The following SLC35F4 variants were observed in gnomAD, a reference collection of about 807,000 sequenced individuals.
SLC35F4 encodes chromosome 14 open reading frame 36.
SLC35F4 carries 24 observed loss-of-function variants against 44.2 expected under a neutral mutation model. The ratio of observed to expected loss-of-function variants is 0.54; its 90% CI spans 0.39 to 0.76. The LOEUF (loss-of-function observed/expected upper bound fraction) is 0.76, where lower values mean the gene tolerates loss of function less well. Among genes scored for constraint, SLC35F4 ranks in the 30% least tolerant of loss-of-function variants. The pLI is 0.00. For synonymous variants in SLC35F4, 238 were observed against 223.6 expected (o/e 1.06, Z -0.57); for missense variants, 562 against 586.1 (o/e 0.96, Z 0.42).
intron 1 of SLC35F4, among the ~76,000 whole-genome samples, chr14:57,714,910 GCA>G (rs2075901610): frequency 6.6e-6 from 1 of 152,208 alleles, no homozygotes; most frequent in South Asian, 2.1e-4. Flanking sequence ...GTAGTGAAAT[GCA>G]AAGAGTGGGA....
intron 1 of SLC35F4, among the ~76,000 whole-genome samples, chr14:57,738,560 T>G (rs1314552637): frequency 6.6e-6 from 1 of 151,914 alleles, no homozygotes; most frequent in Non-Finnish European, 1.5e-5. Flanking sequence ...TGGTATAGAT[T>G]ATATAATACA....
At chr14:57,893,206 C>T (rs1888805939) in intron 1 of SLC35F4, among the ~76,000 whole-genome samples, 1 of 152,280 alleles carries the variant, frequency 6.6e-6, no homozygotes, top group East Asian at 1.9e-4. Flanking sequence ...AACATAGAAG[C>T]AGCAAATCCC....
chr14:57,577,006 G>A (rs1335955779), intron 4 of SLC35F4, among the ~76,000 whole-genome samples: 1 of 152,186 alleles, frequency 6.6e-6, no homozygotes, highest in East Asian at 1.9e-4. Context: ...ATAGGGGTAA[G>A]AGGGAGGATG....
chr14:57,587,221 T>TTCCTCAAGGA (rs1284784192), intron 3 of SLC35F4, among the ~76,000 whole-genome samples: 13 of 152,224 alleles, frequency 8.5e-5, no homozygotes, highest in Non-Finnish European at 1.8e-4. Context: ...AGTGTGGCAA[T>TTCCTCAAGGA]TCCTCAAGGA....
chr14:57,645,200 A>G lies in SLC35F4; in HGVS notation c.104-51076T>C, dbSNP rs139577534. On this transcript the variant is annotated intron_variant, in intron 1 of 7. Coordinates refer to ENST00000556826, the MANE Select transcript of SLC35F4 (RefSeq NM_001306087.2). ...GATGGGGATGGCATTGAATCTATAA[A>G]TTACCTTGGGCAGTATGGCCATTTT... Among the ~76,000 whole-genome samples, 25 of 152,296 alleles carry G rather than the reference A, an allele frequency of 1.6e-4. No homozygotes were observed. In the East Asian group the frequency reaches 3.3e-3, roughly 20 times the overall value.
At chr14:57,829,360 C>T (rs959027058) in intron 1 of SLC35F4, among the ~76,000 whole-genome samples, 3 of 152,172 alleles carry the variant, frequency 2.0e-5, no homozygotes, top group African/African-American at 4.8e-5. Context: ...TAGTTCAAAG[C>T]TGGAGCAGCT....
rs138295695 is a variant in SLC35F4 at position 57,962,912 on chromosome 14, C to T, written n.282+19001G>A. 4.1e-3 allele frequency among the ~76,000 whole-genome samples: 628 copies of T among 152,078 alleles called. 2 individuals are homozygous for T. Among genetic ancestry groups the T allele is most frequent in the Non-Finnish European group, 6.0e-3 (408 of 67,990 alleles). On this transcript the variant is annotated intron_variant and non_coding_transcript_variant, in intron 1 of 1. Transcript: ENST00000556568. Reference sequence around the variant, plus strand: ...GTCAATCCTGCAACAGGCTGTGTGCCGGAGGTTGGGGGAACAGAAATGAAC... The same window carrying T: ...GTCAATCCTGCAACAGGCTGTGTGCTGGAGGTTGGGGGAACAGAAATGAAC...
chr14:57,845,721 T>C (rs1324063650), intron 1 of SLC35F4, among the ~76,000 whole-genome samples: 1 of 152,214 alleles, frequency 6.6e-6, no homozygotes, highest in East Asian at 1.9e-4. Flanking sequence ...ATGCATGATC[T>C]TTACATCAAG....
intron 1 of SLC35F4, among the ~76,000 whole-genome samples, chr14:57,849,033 T>A (rs936228582): frequency 2.6e-5 from 4 of 152,202 alleles, no homozygotes; most frequent in Admixed American, 1.3e-4. Context: ...GCTAACTTGA[T>A]AATTTGAAAG....
intron 1 of SLC35F4, among the ~76,000 whole-genome samples, chr14:57,925,754 C>T (rs557735406): frequency 1.3e-5 from 2 of 151,550 alleles, no homozygotes; most frequent in Admixed American, 6.6e-5. Flanking sequence ...GTTATTATAA[C>T]ACTTACATCC....
intron 1 of SLC35F4, among the ~76,000 whole-genome samples, chr14:57,650,750 G>A (rs755587822): frequency 5.9e-5 from 9 of 152,050 alleles, no homozygotes; most frequent in African/African-American, 9.7e-5. Context: ...AAAGTCCTCC[G>A]TGGTCCATCC....
At position 57,839,914 on chromosome 14, in the gene SLC35F4, G is replaced by A. The variant is rs544552703; in HGVS notation, c.103+25809C>T. Among the ~76,000 whole-genome samples, 374 of 152,058 alleles carry A rather than the reference G, an allele frequency of 2.5e-3. 1 individual carries two copies. The highest frequency in any genetic ancestry group is 8.1e-3 in the African/African-American group (337 of 41,440). ...ACACTCTACAGCATGTCCAAAACAC[G>A]CCCCAGACTTCTTACCTAAGACCTA... On this transcript the variant is annotated intron_variant, in intron 1 of 7. Coordinates refer to ENST00000556826, the MANE Select transcript of SLC35F4 (RefSeq NM_001306087.2).
chr14:57,685,863 C>T (rs1209689837), intron 1 of SLC35F4, among the ~76,000 whole-genome samples: 4 of 152,166 alleles, frequency 2.6e-5, no homozygotes, highest in African/African-American at 9.7e-5. Context: ...ATACTGCCCA[C>T]CAGAAGTCTT....
chr14:57,586,188 T>C (rs1740840290), intron 3 of SLC35F4, among the ~76,000 whole-genome samples: 1 of 152,042 alleles, frequency 6.6e-6, no homozygotes, highest in Admixed American at 6.6e-5. Flanking sequence ...TCTACAACCA[T>C]CTAGTCTTTG....
intron 1 of SLC35F4, among the ~76,000 whole-genome samples, chr14:57,932,268 G>T (rs1889711636): frequency 6.6e-6 from 1 of 152,086 alleles, no homozygotes; most frequent in African/African-American, 2.4e-5. Context: ...TTCTCTGATG[G>T]ATTCTTCCAT....
At chr14:57,629,908 C>T (rs1305647474) in intron 1 of SLC35F4, 1 of 456,750 alleles carries the variant, frequency 2.2e-6, no homozygotes, top group African/African-American at 2.0e-5. Flanking sequence ...CCACCATGTC[C>T]TGCTACCAGT....
chr14:57,784,528 A>AT (rs955944507), intron 1 of SLC35F4, among the ~76,000 whole-genome samples: 9 of 151,706 alleles, frequency 5.9e-5, no homozygotes, highest in African/African-American at 1.9e-4. Context: ...TATAAAAAAA[A>AT]TTTTTTCTTA....
intron 1 of SLC35F4, among the ~76,000 whole-genome samples, chr14:57,923,215 T>C (rs1889477349): frequency 6.6e-6 from 1 of 152,234 alleles, no homozygotes; most frequent in Admixed American, 6.5e-5. Flanking sequence ...TCTCAAAGTG[T>C]ATTTAAGATT....
At chr14:57,637,191 T>A (rs1360522038) in intron 1 of SLC35F4, among the ~76,000 whole-genome samples, 1 of 152,068 alleles carries the variant, frequency 6.6e-6, no homozygotes, top group African/African-American at 2.4e-5. Context: ...GAAAAATAAA[T>A]CCTGGGACTC....
Sources: gnomAD v4.1 joint callset for allele counts (sites outside exome capture counted in the v4.1 genomes callset) on GRCh38, gnomAD v4.1.1 for gene constraint, MANE v1.5 for transcripts, NCBI Gene and HGNC (gene_info 2026-07-23, HGNC 2026-07-21) for gene names.